SPRY3: variants seen among roughly 807,000 people sequenced by gnomAD.
SPRY3 encodes protein sprouty homolog 3.
Under a neutral mutation model 20.2 loss-of-function variants are expected in SPRY3, and 15 were observed. The ratio of observed to expected loss-of-function variants is 0.74; its 90% CI spans 0.50 to 1.14. The LOEUF is 1.14. Ranked by LOEUF, SPRY3 falls within the 50% of genes most tolerant of loss-of-function variation. The pLI is 0.00. For missense variants in SPRY3, 364 were observed against 363.9 expected, an observed-to-expected ratio of 1.00 and a Z score of 0.00; for synonymous variants, 143 against 136.5, an observed-to-expected ratio of 1.05 and a Z score of -0.33.
intron 1 of SPRY3, among the ~76,000 whole-genome samples, chrX:155,656,540 A>G (rs1427700111): frequency 9.0e-6 from 1 of 111,068 alleles, no homozygotes; most frequent in Non-Finnish European, 1.9e-5. Flanking sequence ...GGGTTTGAAC[A>G]TGCTCCTTTA....
At chrX:155,750,956 G>A (rs2091259452) in intron 2 of SPRY3, among the ~76,000 whole-genome samples, 2 of 151,938 alleles carry the variant, frequency 1.3e-5, no homozygotes, top group South Asian at 4.2e-4. Context: ...GGGAAAAGAA[G>A]TTAATGGTAT....
At chrX:155,684,835 C>G (rs1350868900) in intron 2 of SPRY3, among the ~76,000 whole-genome samples, 1 of 111,096 alleles carries the variant, frequency 9.0e-6, no homozygotes, top group Non-Finnish European at 1.9e-5. Flanking sequence ...TTTCTGAATC[C>G]TAAAATGTAT....
intron 1 of SPRY3, among the ~76,000 whole-genome samples, chrX:155,633,376 T>TAAAAA (rs1170609386): frequency 4.7e-5 from 1 of 21,099 alleles, no homozygotes; most frequent in African/African-American, 1.7e-4. Flanking sequence ...CCGTCTCTAC[T>TAAAAA]AAAAAAAAAA....
At chrX:155,713,329 A>G (rs2091000058) in intron 2 of SPRY3, among the ~76,000 whole-genome samples, 1 of 152,010 alleles carries the variant, frequency 6.6e-6, no homozygotes, top group Non-Finnish European at 1.5e-5. Flanking sequence ...TTTCTCATTA[A>G]TGCCCATTAA....
At chrX:155,639,220 A>G (rs1198235720) in intron 1 of SPRY3, among the ~76,000 whole-genome samples, 3 of 112,527 alleles carry the variant, frequency 2.7e-5, no homozygotes, top group Non-Finnish European at 5.6e-5. Flanking sequence ...TTGATATACA[A>G]AGAACTGCAC....
chrX:155,768,891 G>A (rs1425783439), intron 3 of SPRY3, among the ~76,000 whole-genome samples: 1 of 152,132 alleles, frequency 6.6e-6, no homozygotes, highest in Non-Finnish European at 1.5e-5. Context: ...AAACCAAGTT[G>A]GATGAACAGA....
chrX:155,686,972 TTTGAG>T (rs1453767254), intron 2 of SPRY3, among the ~76,000 whole-genome samples: 1 of 112,857 alleles, frequency 8.9e-6, no homozygotes, highest in Non-Finnish European at 1.9e-5. Flanking sequence ...GCTTCTGAGA[TTTGAG>T]TTGAGGCCAG....
intron 2 of SPRY3, among the ~76,000 whole-genome samples, chrX:155,716,708 T>A (rs2091025187): frequency 6.6e-6 from 1 of 152,024 alleles, no homozygotes; most frequent in African/African-American, 2.4e-5. Context: ...AATCATAACT[T>A]TTTTTTAATC....
intron 3 of SPRY3, among the ~76,000 whole-genome samples, chrX:155,773,426 G>C (rs1353743384): frequency 1.3e-5 from 2 of 149,156 alleles, no homozygotes; most frequent in Admixed American, 1.3e-4. Flanking sequence ...TTAATATTAG[G>C]TTCCATTTGT....
At chrX:155,778,589 G>A (rs1317008140), downstream of SPRY3, 1 of 167,044 alleles carries the variant, frequency 6.0e-6, no homozygotes, top group Non-Finnish European at 1.5e-5. Flanking sequence ...TGTTAGAGCT[G>A]TTAACATTCA....
At chrX:155,669,941 G>T (rs1453531267) in intron 2 of SPRY3, 1 of 110,981 alleles carries the variant, frequency 9.0e-6, no homozygotes, top group Non-Finnish European at 1.9e-5. Context: ...AAGTTTTAGG[G>T]CTGAATAAGA....
At chrX:155,758,325 G>C (rs1424751033) in intron 2 of SPRY3, among the ~76,000 whole-genome samples, 1 of 152,128 alleles carries the variant, frequency 6.6e-6, no homozygotes, top group African/African-American at 2.4e-5. Flanking sequence ...AGAATGACTT[G>C]CTAAAGCCAC....
intron 1 of SPRY3, among the ~76,000 whole-genome samples, chrX:155,623,477 T>C (rs942216197): frequency 2.0e-4 from 22 of 112,105 alleles, no homozygotes; most frequent in African/African-American, 7.1e-4. Context: ...AAAAAGGAAC[T>C]TTATGCACTT....
At chrX:155,624,294 CAACT>C (rs1446321846) in intron 1 of SPRY3, among the ~76,000 whole-genome samples, 1 of 111,796 alleles carries the variant, frequency 8.9e-6, no homozygotes, top group Admixed American at 9.5e-5. Flanking sequence ...GTTTCCTTTT[CAACT>C]AACTACCATA....
At chrX:155,720,070 C>T (rs1293313070) in intron 2 of SPRY3, among the ~76,000 whole-genome samples, 1 of 152,114 alleles carries the variant, frequency 6.6e-6, no homozygotes, top group African/African-American at 2.4e-5. Context: ...GCCCATTGCC[C>T]TGCAGGGTAA....
chrX:155,768,447 G>T (rs1164971417), intron 3 of SPRY3, among the ~76,000 whole-genome samples: 1 of 151,946 alleles, frequency 6.6e-6, no homozygotes, highest in Non-Finnish European at 1.5e-5. Flanking sequence ...TTTGGTACTT[G>T]CCTAAACCCC....
At chrX:155,758,441 C>A (rs2091291637) in intron 2 of SPRY3, among the ~76,000 whole-genome samples, 1 of 152,164 alleles carries the variant, frequency 6.6e-6, no homozygotes, top group African/African-American at 2.4e-5. Context: ...GCTTCTGTGG[C>A]AAAGAAATAA....
chrX:155,628,713 C>T (rs782047719), intron 1 of SPRY3, among the ~76,000 whole-genome samples: 36 of 112,118 alleles, frequency 3.2e-4, no homozygotes, highest in Non-Finnish European at 6.0e-4. Context: ...TGAGGAACCT[C>T]TGTATTATTT....
chrX:155,657,646 C>T (rs1158104041), intron 2 of SPRY3, among the ~76,000 whole-genome samples: 1 of 111,705 alleles, frequency 9.0e-6, no homozygotes, highest in African/African-American at 3.3e-5. Flanking sequence ...GGGTTCCAGG[C>T]GCCACTGGGC....
Sources: gnomAD v4.1 joint callset for allele counts (sites outside exome capture counted in the v4.1 genomes callset) on GRCh38, gnomAD v4.1.1 for gene constraint, MANE v1.5 for transcripts, NCBI Gene and HGNC (gene_info 2026-07-23, HGNC 2026-07-21) for gene names.